RORA: variants seen among roughly 807,000 people sequenced by gnomAD.
The protein encoded by RORA is nuclear receptor ROR-alpha.
Under a neutral mutation model 69.5 loss-of-function variants are expected in RORA, and 7 were observed. The observed-to-expected ratio is 0.10, with a 90% CI of 0.06 to 0.19. The LOEUF is 0.19. Among genes scored for constraint, RORA ranks in the 10% least tolerant of loss-of-function variants. The pLI is 1.00. For synonymous variants in RORA, 261 were observed against 240.8 expected (o/e 1.08, Z -0.78); for missense variants, 457 against 663.0 (o/e 0.69, Z 3.41).
intron 2 of RORA, chr15:60,592,415 C>A (rs1164171783): frequency 3.5e-6 from 5 of 1,436,546 alleles, no homozygotes; most frequent in Admixed American, 2.6e-5. Flanking sequence ...CAAAATACAT[C>A]ATTTAAGCCG....
chr15:60,838,155 C>T (rs1445380150), intron 1 of RORA, among the ~76,000 whole-genome samples: 2 of 152,124 alleles, frequency 1.3e-5, no homozygotes, highest in African/African-American at 4.8e-5. Flanking sequence ...GTGTTCCCTA[C>T]CCCCTTAGAC....
intron 1 of RORA, among the ~76,000 whole-genome samples, chr15:60,959,811 C>CT (rs969465899): frequency 6.6e-5 from 10 of 151,970 alleles, no homozygotes; most frequent in South Asian, 2.1e-4. Context: ...CCAGAGAAGG[C>CT]TTTTTTTTGT....
At chr15:61,180,332 A>T (rs2079672160) in intron 1 of RORA, among the ~76,000 whole-genome samples, 1 of 152,152 alleles carries the variant, frequency 6.6e-6, no homozygotes, top group Non-Finnish European at 1.5e-5. Flanking sequence ...CAGAGAAATA[A>T]TATCTTCTAC....
At chr15:61,038,062 A>G (rs1896552214) in intron 1 of RORA, among the ~76,000 whole-genome samples, 1 of 152,224 alleles carries the variant, frequency 6.6e-6, no homozygotes, top group African/African-American at 2.4e-5. Flanking sequence ...TCGCATTTAA[A>G]AAAAAACCAA....
chr15:60,979,265 T>G (rs957134846), intron 1 of RORA, among the ~76,000 whole-genome samples: 1 of 65,776 alleles, frequency 1.5e-5, no homozygotes, highest in Non-Finnish European at 3.4e-5. Context: ...CACCTAGCCC[T>G]TGCTTTTTTT....
chr15:61,175,224 G>A (rs746353720), intron 1 of RORA, among the ~76,000 whole-genome samples: 2 of 152,120 alleles, frequency 1.3e-5, no homozygotes, highest in African/African-American at 4.8e-5. Context: ...AAGATGCCAC[G>A]AGGGCTGTGT....
intron 1 of RORA, among the ~76,000 whole-genome samples, chr15:60,908,541 G>A (rs780832237): frequency 2.6e-4 from 39 of 152,042 alleles, no homozygotes; most frequent in Admixed American, 1.4e-3. Flanking sequence ...ATAAGCTTTG[G>A]GAAGCTACAG....
chr15:60,747,127 C>T (rs936132160), intron 1 of RORA, among the ~76,000 whole-genome samples: 1 of 152,204 alleles, frequency 6.6e-6, no homozygotes, highest in Non-Finnish European at 1.5e-5. Flanking sequence ...TGCTCAATCT[C>T]TTCTCTAAGA....
chr15:60,904,630 C>T (rs550375942), intron 1 of RORA, among the ~76,000 whole-genome samples: 58 of 152,282 alleles, frequency 3.8e-4, no homozygotes, highest in Admixed American at 9.8e-4. Context: ...GTAGAAAGAG[C>T]TATACATGTG....
In RORA at chr15:60,534,997, CAAG is replaced by C. The variant is rs893802431; in HGVS notation, c.197-3149_197-3147del. ...TTGTCAATTTGAGTTTTCAGTCCAA[CAAG>C]AAGGAGGAAGACAAAAATCCCTCTG... is the stretch of plus-strand genomic sequence containing the variant. On this transcript the variant is annotated intron_variant, in intron 2 of 10. Transcript: ENST00000335670. This position sits in a 1 kb window ranked among gnomAD's most constrained non-coding sequence, Gnocchi z 5.0. Among the ~76,000 whole-genome samples the C allele has an allele frequency of 3.9e-4, 60 of 152,332 alleles. 1 individual carries two copies. The highest frequency in any genetic ancestry group is 3.3e-3 in the Admixed American group (50 of 15,302).
chr15:60,788,447 T>A (rs771570898), intron 1 of RORA, among the ~76,000 whole-genome samples: 2 of 152,126 alleles, frequency 1.3e-5, no homozygotes, highest in African/African-American at 2.4e-5. Flanking sequence ...GGTTCCAAAC[T>A]CCCCTCGATT....
intron 1 of RORA, among the ~76,000 whole-genome samples, chr15:60,800,267 G>A (rs564127467): frequency 2.0e-5 from 3 of 152,152 alleles, no homozygotes; most frequent in South Asian, 2.1e-4. Flanking sequence ...AGAATGACAC[G>A]CTGTTCCACT....
At chr15:60,610,266 G>A (rs1266524844) in intron 2 of RORA, among the ~76,000 whole-genome samples, 1 of 151,898 alleles carries the variant, frequency 6.6e-6, no homozygotes, top group African/African-American at 2.4e-5. Flanking sequence ...TTTGATGGGA[G>A]GTGCTCATCA....
intron 1 of RORA, among the ~76,000 whole-genome samples, chr15:61,042,473 T>C (rs895054698): frequency 2.0e-5 from 3 of 152,176 alleles, no homozygotes; most frequent in Non-Finnish European, 4.4e-5. Flanking sequence ...GGAGTACGGA[T>C]GTGTAGTTAA....
intron 3 of RORA, among the ~76,000 whole-genome samples, chr15:60,524,070 A>G (rs2066266301): frequency 6.6e-6 from 1 of 152,180 alleles, no homozygotes; most frequent in East Asian, 1.9e-4. Flanking sequence ...TACTCAAGGC[A>G]GAAAGATGGG....
intron 1 of RORA, among the ~76,000 whole-genome samples, chr15:60,790,828 A>G (rs183349903): frequency 6.6e-6 from 1 of 152,160 alleles, no homozygotes; most frequent in African/African-American, 2.4e-5. Context: ...CCTAGCTTCA[A>G]TTTCACAATT....
chr15:60,941,595 C>T (rs1892698557), intron 1 of RORA, among the ~76,000 whole-genome samples: 1 of 152,208 alleles, frequency 6.6e-6, no homozygotes, highest in Admixed American at 6.5e-5. Context: ...GATGCTTTCA[C>T]CCAGAGGTGT....
At chr15:60,711,386 A>G (rs2071142020) in intron 1 of RORA, among the ~76,000 whole-genome samples, 2 of 152,258 alleles carry the variant, frequency 1.3e-5, no homozygotes, top group Non-Finnish European at 1.5e-5. Context: ...TTTATTAAAT[A>G]AATGAATGTA....
At chr15:60,616,676 G>T (rs1474120279) in intron 2 of RORA, among the ~76,000 whole-genome samples, 1 of 152,182 alleles carries the variant, frequency 6.6e-6, no homozygotes, top group African/African-American at 2.4e-5. Flanking sequence ...AAAGAGCTTA[G>T]GAAAGAAAGT....
Sources: allele counts gnomAD v4.1 joint callset (sites outside exome capture counted in the v4.1 genomes callset), GRCh38; gene constraint gnomAD v4.1.1; non-coding constraint Gnocchi (gnomAD v3.1); transcripts MANE v1.5; gene names NCBI Gene and HGNC (gene_info 2026-07-23, HGNC 2026-07-21).